Variants in EPS15 observed in about 807,000 individuals in gnomAD.
The protein encoded by EPS15 is epidermal growth factor receptor substrate 15.
EPS15 carries 72 observed loss-of-function variants against 113.8 expected under a neutral mutation model. That is an observed-to-expected ratio of 0.63 (90% CI 0.52 to 0.77). EPS15 has a LOEUF of 0.77. Among genes scored for constraint, EPS15 ranks in the 30% least tolerant of loss-of-function variants. EPS15 has a pLI of 0.00. For missense variants in EPS15, 1,048 were observed against 1,045.8 expected (o/e 1.00, Z -0.03); for synonymous variants, 344 against 363.4 (o/e 0.95, Z 0.61).
At chr1:51,412,156 AT>A (rs1284531063) in intron 13 of EPS15, among the ~76,000 whole-genome samples, 1 of 152,168 alleles carries the variant, frequency 6.6e-6, no homozygotes, top group Admixed American at 6.6e-5. Flanking sequence ...GAGCTGAACA[AT>A]GAGAACGCAT....
intron 21 of EPS15, among the ~76,000 whole-genome samples, chr1:51,379,814 C>T (rs189063178): frequency 1.2e-3 from 184 of 152,226 alleles, no homozygotes; most frequent in African/African-American, 4.2e-3. Context: ...GTAATCCCAG[C>T]ACTTTGGGAG....
rs1480705072 is a variant in EPS15 at position 51,455,958 on chromosome 1, C to A, written c.561+5133G>T. Among the ~76,000 whole-genome samples the A allele has an allele frequency of 9.3e-5, 14 of 150,514 alleles. No homozygotes were observed. The East Asian group carries it at 9.7e-4, about 10-fold the overall frequency. ...CAAATTTACTTTTAAAAAAAAAAAA[C>A]CAAAAAACTAAAAGATATTCTAGAT... On this transcript the variant is annotated intron_variant, in intron 8 of 24. Coordinates refer to ENST00000371733, the MANE Select transcript of EPS15 (RefSeq NM_001981.3).
Position 51,446,967 on chromosome 1 carries a change from G to A in EPS15, c.790C>T (p.His264Tyr), listed in dbSNP as rs770335243. 179 of 1,606,832 alleles carry A rather than the reference G, an allele frequency of 1.1e-4. No homozygotes were observed. In the Admixed American group the frequency reaches 3.0e-3, roughly 27 times the overall value. Residue 264 changes from histidine (H) to tyrosine (Y), a missense_variant, in exon 10 of 25, where the codon CAT becomes TAT. Transcript: ENST00000371733. Reference sequence around the variant, plus strand: ...ATTCAAATAAAGTCTTACCATATATGGGCTAGTAAGGTAGAAGGTAAACCT... The same window carrying A: ...ATTCAAATAAAGTCTTACCATATATAGGCTAGTAAGGTAGAAGGTAAACCT... ...KTGLPSTLLA[H>Y]IWSLCDTKDC... is the part of the protein sequence containing the mutation.
intron 1 of EPS15, among the ~76,000 whole-genome samples, chr1:51,508,242 G>GAAAAGAAAAGAAAAGAA (rs58012399): frequency 3.0e-5 from 1 of 32,898 alleles, no homozygotes; most frequent in Admixed American, 3.4e-4. Context: ...AGAAAAGAAA[G>GAAAAGAAAAGAAAAGAA]AGAGAAAGAG....
chr1:51,501,137 GT>G (rs1227955166), intron 1 of EPS15, among the ~76,000 whole-genome samples: 1 of 152,100 alleles, frequency 6.6e-6, no homozygotes. Flanking sequence ...GCTGGGTGTG[GT>G]GGCTCACGCC....
At chr1:51,466,024 G>A (rs906243809) in intron 5 of EPS15, among the ~76,000 whole-genome samples, 2 of 148,044 alleles carry the variant, frequency 1.4e-5, no homozygotes, top group Non-Finnish European at 3.0e-5. Flanking sequence ...CAAAAAACAA[G>A]AGGAGCCATA....
At chr1:51,501,769 G>A (rs1644419576) in intron 1 of EPS15, among the ~76,000 whole-genome samples, 1 of 152,092 alleles carries the variant, frequency 6.6e-6, no homozygotes, top group Non-Finnish European at 1.5e-5. Context: ...GAGAGCGGCT[G>A]CACCCTGCCA....
intron 12 of EPS15, among the ~76,000 whole-genome samples, chr1:51,428,826 CAAAAA>C (rs902706524): frequency 1.9e-5 from 1 of 53,846 alleles, no homozygotes; most frequent in African/African-American, 7.6e-5. Context: ...GACTCCATCT[CAAAAA>C]AAAAAAAAAA....
intron 21 of EPS15, among the ~76,000 whole-genome samples, chr1:51,369,652 A>G (rs1253350219): frequency 6.6e-6 from 1 of 152,162 alleles, no homozygotes; most frequent in Non-Finnish European, 1.5e-5. Context: ...TTTCTTACAT[A>G]TTTGAGATCA....
intron 11 of EPS15, among the ~76,000 whole-genome samples, chr1:51,442,696 G>A (rs896214319): frequency 2.0e-5 from 3 of 152,098 alleles, no homozygotes; most frequent in African/African-American, 7.2e-5. Context: ...AGTGACATGT[G>A]ACAAAAGCAT....
At chr1:51,511,090 C>T (rs1195215685) in intron 1 of EPS15, among the ~76,000 whole-genome samples, 3 of 151,372 alleles carry the variant, frequency 2.0e-5, no homozygotes, top group African/African-American at 2.4e-5. Flanking sequence ...CATTTGAACT[C>T]GGGAGGCAGA....
intron 8 of EPS15, among the ~76,000 whole-genome samples, chr1:51,456,641 GTAT>G (rs895696323): frequency 6.6e-6 from 1 of 152,136 alleles, no homozygotes; most frequent in African/African-American, 2.4e-5. Context: ...TACTGCAAAA[GTAT>G]TTTTTAAATT....
intron 1 of EPS15, among the ~76,000 whole-genome samples, chr1:51,507,303 A>T (rs776586691): frequency 5.3e-5 from 8 of 152,360 alleles, no homozygotes; most frequent in South Asian, 2.1e-4. Context: ...TAAAGCACAC[A>T]ATCAATTAAT....
chr1:51,400,493 G>A (rs982051767), intron 19 of EPS15, among the ~76,000 whole-genome samples: 7 of 150,838 alleles, frequency 4.6e-5, no homozygotes, highest in African/African-American at 1.2e-4. Context: ...CCAGGAGTTC[G>A]AGACCAACCT....
rs79904600 is a variant in EPS15, at chr1:51,355,948, A to G, written c.*752T>C. ...CACTTAAAATGAACATTTTCTTACA[A>G]ACTTTATTTGTAAGAAACTGATTTT... On this transcript the variant is annotated 3_prime_UTR_variant, in exon 25 of 25. Transcript: ENST00000371733. 1,157 of 192,240 alleles carry G rather than the reference A, an allele frequency of 6.0e-3. 32 individuals are homozygous for G. The South Asian group carries it at 0.069, about 11-fold the overall frequency. 11.9% of individuals were successfully genotyped at this position (192,240 alleles called of 1,614,324 possible).
At chr1:51,480,639 G>A (rs896843210) in intron 2 of EPS15, among the ~76,000 whole-genome samples, 12 of 152,098 alleles carry the variant, frequency 7.9e-5, no homozygotes, top group African/African-American at 1.2e-4. Context: ...TTAGCCTCCC[G>A]AGTAGGTGGG....
chr1:51,491,648 T>C (rs55691002), intron 1 of EPS15, among the ~76,000 whole-genome samples: 4,573 of 152,048 alleles, frequency 0.03, 76 homozygotes, highest in African/African-American at 0.05. Context: ...TTACAGAAGC[T>C]AGTAATAAGA....
At chr1:51,387,548 C>T (rs1245630018) in intron 21 of EPS15, among the ~76,000 whole-genome samples, 1 of 152,140 alleles carries the variant, frequency 6.6e-6, no homozygotes, top group Non-Finnish European at 1.5e-5. Context: ...AGTCAAGACC[C>T]ATTAGTGTGC....
At chr1:51,444,791 C>T (rs1652870421) in intron 11 of EPS15, 98 bp downstream of exon 11, 4 of 1,213,610 alleles carry the variant, frequency 3.3e-6, no homozygotes, top group East Asian at 2.3e-5. Flanking sequence ...TAGCCAGATA[C>T]ATTTTCTCTT....
Sources: gnomAD v4.1 joint callset for allele counts (sites outside exome capture counted in the v4.1 genomes callset) on GRCh38, gnomAD v4.1.1 for gene constraint, MANE v1.5 for transcripts, NCBI Gene and HGNC (gene_info 2026-07-23, HGNC 2026-07-21) for gene names.